Variants in PTHLH observed in about 807,000 individuals in gnomAD.
PTHLH encodes parathyroid hormone like hormone.
PTHLH carries 5 observed loss-of-function variants against 18.6 expected under a neutral mutation model. The ratio of observed to expected loss-of-function variants is 0.27; its 90% confidence interval spans 0.14 to 0.56. PTHLH has a LOEUF of 0.56. PTHLH is among the 20% of genes least tolerant of loss of function. The pLI is 0.92. For synonymous variants in PTHLH, 90 were observed against 94.0 expected (o/e 0.96, Z 0.25); for missense variants, 207 against 223.9 (o/e 0.92, Z 0.48).
chr12:27,969,210 AC>A (rs1270549188), intron 4 of PTHLH, 183 bp downstream of exon 4: 1 of 606,558 alleles, frequency 1.6e-6, no homozygotes, highest in Non-Finnish European at 2.9e-6. Flanking sequence ...TTGAAGATCA[AC>A]CAGTTCTCCT....
Position 27,963,432 on chromosome 12 carries a change from C to T in PTHLH, c.440G>A (p.Trp147Ter), listed in dbSNP as rs2062779392. Residue 147 changes from tryptophan to a stop codon, truncating the protein, a stop_gained, in exon 5 of 6, where the codon TGG becomes TAG. Transcript: ENST00000545234. LOFTEE classifies it high-confidence loss of function. ...EKKKRRTRSA[W>*]LDSGVTGSGL... ...ACTCCCAGTCACTCCAGAGTCTAAC[C>T]AGGCAGAGCGAGTTCGCCGTTTTTT... 1 of 1,614,182 alleles carries T rather than the reference C, an allele frequency of 6.2e-7. No homozygotes were observed. The highest frequency in any genetic ancestry group is 8.5e-7 in the Non-Finnish European group (1 of 1,180,034).
Position 27,958,644 on chromosome 12 carries a change from G to A in PTHLH, c.525-76C>T, listed in dbSNP as rs2062730586. 3 of 1,397,422 alleles carry A rather than the reference G, an allele frequency of 2.1e-6. No homozygotes were observed. The Middle Eastern group carries it at 6.3e-4, about 295-fold the overall frequency. 86.6% of individuals were successfully genotyped at this position (1,397,422 alleles called of 1,614,324 possible). A position where few individuals can be genotyped will look rare whatever the true frequency, so the allele number is the denominator to read the frequency against. Reference sequence around the variant, plus strand: ...TACAAATGAAAACATAAAATATAAAGGATATAAGCTAAGGAATGCAAAATC... The same window carrying A: ...TACAAATGAAAACATAAAATATAAAAGATATAAGCTAAGGAATGCAAAATC... On this transcript the variant is annotated intron_variant, in intron 5 of 5. Coordinates refer to ENST00000545234, the MANE Select transcript of PTHLH (RefSeq NM_198965.2).
intron 4 of PTHLH, among the ~76,000 whole-genome samples, chr12:27,966,981 C>T (rs968427239): frequency 6.6e-6 from 1 of 152,204 alleles, no homozygotes; most frequent in Non-Finnish European, 1.5e-5. Flanking sequence ...TTCTGTGGTA[C>T]ATGCAAGAGA....
At chr12:27,959,211 T>G (rs780414641) in intron 5 of PTHLH, among the ~76,000 whole-genome samples, 8 of 152,226 alleles carry the variant, frequency 5.3e-5, no homozygotes, top group Non-Finnish European at 1.0e-4. Flanking sequence ...AAACTATTAT[T>G]GGATTTTGTA....
At chr12:27,961,642 T>C in intron 5 of PTHLH, 1 of 305,416 alleles carries the variant, frequency 3.3e-6, no homozygotes, top group Non-Finnish European at 6.0e-6. Context: ...CCAGAATTTA[T>C]AGGGTTTGTT....
intron 4 of PTHLH, among the ~76,000 whole-genome samples, chr12:27,967,285 C>G (rs532414527): frequency 6.4e-4 from 98 of 152,258 alleles, no homozygotes; most frequent in African/African-American, 2.3e-3. Context: ...TTGGGATTAA[C>G]AGGTCAAAAA....
intron 4 of PTHLH, among the ~76,000 whole-genome samples, chr12:27,967,169 G>C (rs1451894571): frequency 6.6e-6 from 1 of 152,192 alleles, no homozygotes; most frequent in African/African-American, 2.4e-5. Flanking sequence ...CTTAAACATA[G>C]AGATAGCCAC....
intron 5 of PTHLH, chr12:27,962,470 C>T (rs772133893): frequency 4.5e-6 from 4 of 882,212 alleles, no homozygotes; most frequent in Non-Finnish European, 4.1e-6. Flanking sequence ...AGTAACTTGC[C>T]CTAGGTTGTG....
intron 4 of PTHLH, chr12:27,969,158 T>C: frequency 1.8e-6 from 1 of 563,062 alleles, no homozygotes; most frequent in Non-Finnish European, 3.2e-6. Context: ...ACGCTCCCTC[T>C]TATGGAAACA....
intron 5 of PTHLH, 49 bp downstream of exon 5, chr12:27,963,299 C>T (rs1200962838): frequency 1.9e-6 from 3 of 1,613,860 alleles, no homozygotes; most frequent in African/African-American, 2.7e-5. Context: ...GGCTCCAAAA[C>T]CCAGCTGAGA....
intron 4 of PTHLH, among the ~76,000 whole-genome samples, chr12:27,965,937 A>T (rs1045156526): frequency 1.3e-5 from 2 of 152,242 alleles, no homozygotes; most frequent in African/African-American, 2.4e-5. Context: ...CTGATAATTT[A>T]TAGTATTGGG....
chr12:27,963,779 G>A lies in PTHLH; in HGVS notation c.102-9C>T, dbSNP rs2062783906. 6.2e-7 allele frequency: 1 copy of A among 1,613,472 alleles called. No individual in the cohort carries two copies. Among genetic ancestry groups the A allele is most frequent in the Admixed American group, 1.7e-5 (1 of 59,958 alleles). On this transcript the variant is annotated splice_polypyrimidine_tract_variant and intron_variant, in intron 4 of 5. Coordinates refer to ENST00000545234, the MANE Select transcript of PTHLH (RefSeq NM_198965.2). ...CAGACACAGCTCTTTTGCTTTGAAA[G>A]AAAATATTAGAGGGGAAGAAAACAG... is the stretch of plus-strand genomic sequence containing the variant.
intron 2 of PTHLH, among the ~76,000 whole-genome samples, chr12:27,971,373 C>A (rs1207221187): frequency 6.6e-6 from 1 of 152,106 alleles, no homozygotes; most frequent in Admixed American, 6.5e-5. Flanking sequence ...TGGATACCCT[C>A]CCCAGGGCTC....
At chr12:27,967,837 G>A (rs372293722) in intron 4 of PTHLH, among the ~76,000 whole-genome samples, 1 of 152,178 alleles carries the variant, frequency 6.6e-6, no homozygotes, top group African/African-American at 2.4e-5. Context: ...AACAAAGAAA[G>A]AGTTAAAAAT....
Position 27,958,582 on chromosome 12 carries a change from G to T in PTHLH, c.525-14C>A. 6.4e-7 allele frequency: 1 copy of T among 1,565,070 alleles called. No individual in the cohort carries two copies. The highest frequency in any genetic ancestry group is 1.2e-5 in the South Asian group (1 of 84,580). On this transcript the variant is annotated splice_polypyrimidine_tract_variant and intron_variant, in intron 5 of 5. Coordinates refer to ENST00000545234, the MANE Select transcript of PTHLH (RefSeq NM_198965.2). ...TTTCAATGCCTCCTGCAAAAAGAAG[G>T]AAGAGAAAGAAAAGGAGAAAACAGG...
intron 4 of PTHLH, chr12:27,969,189 C>T (rs951658897): frequency 8.4e-6 from 5 of 594,414 alleles, no homozygotes; most frequent in Non-Finnish European, 1.5e-5. Context: ...CTCTCTCTTG[C>T]CTGTCTCCCG....
chr12:27,964,711 A>C (rs1428807271), intron 4 of PTHLH, among the ~76,000 whole-genome samples: 1 of 152,188 alleles, frequency 6.6e-6, no homozygotes, highest in Admixed American at 6.5e-5. Context: ...AGGAAAAAAT[A>C]TAAAGGATTT....
chr12:27,962,803 A>C, intron 5 of PTHLH: 2 of 970,268 alleles, frequency 2.1e-6, no homozygotes, highest in Non-Finnish European at 2.5e-6. Flanking sequence ...TAAGTTCTTT[A>C]CATTAAAATA....
chr12:27,959,323 C>A (rs10492364), intron 5 of PTHLH, among the ~76,000 whole-genome samples: 2 of 151,948 alleles, frequency 1.3e-5, no homozygotes, highest in Non-Finnish European at 2.9e-5. Flanking sequence ...ACTGTAAATG[C>A]GGGAATAATT....
Sources: gnomAD v4.1 joint callset for allele counts (sites outside exome capture counted in the v4.1 genomes callset) on GRCh38, gnomAD v4.1.1 for gene constraint, MANE v1.5 for transcripts, NCBI Gene and HGNC (gene_info 2026-07-23, HGNC 2026-07-21) for gene names.